The following APOBEC3C variants were observed in gnomAD, a reference collection of about 807,000 sequenced individuals.
The protein encoded by APOBEC3C is DNA dC->dU-editing enzyme APOBEC-3C.
In APOBEC3C, 14 loss-of-function variants were observed where a neutral mutation model predicts 20.6. That is an observed-to-expected ratio of 0.68 (90% CI 0.45 to 1.06). APOBEC3C has a LOEUF of 1.06. Ranked by LOEUF, APOBEC3C falls within the 50% of genes least tolerant of loss-of-function variation. The pLI, the probability that APOBEC3C is intolerant of heterozygous loss-of-function variation, is 0.00. For synonymous variants in APOBEC3C, 98 were observed against 88.8 expected (o/e 1.10, Z -0.58); for missense variants, 244 against 241.9 (o/e 1.01, Z -0.06).
rs1366550956 is a variant in APOBEC3C, at chr22:39,019,369, T to C, written c.*982T>C. 2 of 152,190 alleles carry C rather than the reference T, an allele frequency of 1.3e-5. No homozygotes were observed. The highest frequency in any genetic ancestry group is 2.9e-5 in the Non-Finnish European group (2 of 68,044). The allele number at this position is 152,190 out of a possible 1,614,324, so 9.4% of individuals were successfully genotyped here. A position where few individuals can be genotyped will look rare whatever the true frequency, so the allele number is the denominator to read the frequency against. On this transcript the variant is annotated 3_prime_UTR_variant, in exon 4 of 4. Transcript: ENST00000361441. ...GGGCTTTACATAGGGCAAGAGAACA[T>C]TTCTCCTTCTATAATTGCCATCTCT...
rs376045606 is a variant in APOBEC3C, at chr22:39,019,077, A to G, written c.*690A>G. The G allele has an allele frequency of 2.6e-5, 4 of 152,208 alleles. No homozygotes were observed. In the East Asian group the frequency reaches 7.7e-4, roughly 29 times the overall value. 9.4% of individuals were successfully genotyped at this position (152,208 alleles called of 1,614,324 possible). A position where few individuals can be genotyped will look rare whatever the true frequency, so the allele number is the denominator to read the frequency against. Reference sequence around the variant, plus strand: ...CGAAGTTTTGAGAAACATCCTTTGTAAATTTCATCCTATGAATTGGGTCAT... The same window carrying G: ...CGAAGTTTTGAGAAACATCCTTTGTGAATTTCATCCTATGAATTGGGTCAT... On this transcript the variant is annotated 3_prime_UTR_variant, in exon 4 of 4. Coordinates refer to ENST00000361441, the MANE Select transcript of APOBEC3C (RefSeq NM_014508.3).
rs1426288238 is a variant in APOBEC3C, at chr22:39,016,300, C to T, written c.174+549C>T. 4.0e-5 allele frequency among the ~76,000 whole-genome samples: 6 copies of T among 149,892 alleles called. No individual in the cohort carries two copies. In the East Asian group the frequency reaches 9.8e-4, roughly 25 times the overall value. ...CTGCAAGCTCCGCCTCCCGGGTTCA[C>T]GCCATTCTCCTGCCTCAGCCTCCCA... On this transcript the variant is annotated intron_variant, in intron 2 of 3. Transcript: ENST00000361441.
Position 39,017,777 on chromosome 22 carries a change from G to A in APOBEC3C, c.186G>A (p.Glu62=). The change falls in exon 3 of 4, where the codon GAG becomes GAA. Residue 62 remains glutamate (E), a synonymous_variant. Coordinates refer to ENST00000361441, the MANE Select transcript of APOBEC3C (RefSeq NM_014508.3). ...TCCTCCTTCGCCAGGTGGATTCTGA[G>A]ACCCATTGTCATGCAGAAAGGTGCT... ...TGVFRNQVDS[E]THCHAERCFL... 6.2e-7 allele frequency: 1 copy of A among 1,613,024 alleles called. No individual in the cohort carries two copies.
Position 39,014,285 on chromosome 22 carries a change from G to C in APOBEC3C, c.-78G>C, listed in dbSNP as rs533068876. On this transcript the variant is annotated 5_prime_UTR_variant, in exon 1 of 4. Coordinates refer to ENST00000361441, the MANE Select transcript of APOBEC3C (RefSeq NM_014508.3). ...TTAAAGAGGGCTGCTCAACTGCAAG[G>C]ACGCTGTAAGCAGGAAGAGAAGCCA... 6.3e-7 allele frequency: 1 copy of C among 1,581,322 alleles called. No individual in the cohort carries two copies. The highest frequency in any genetic ancestry group is 2.2e-5 in the East Asian group (1 of 44,628).
At chr22:39,015,548 T>C in intron 1 of APOBEC3C, 47 bp from the exon 2 acceptor site, 1 of 1,595,350 alleles carries the variant, frequency 6.3e-7, no homozygotes, top group Non-Finnish European at 8.5e-7. Context: ...CCCTGAGGAC[T>C]CCGGTGCGGG....
chr22:39,014,406 G>C (rs6001380), intron 1 of APOBEC3C, 27 bp downstream of exon 1: 2 of 1,613,152 alleles, frequency 1.2e-6, no homozygotes, highest in South Asian at 2.2e-5. Flanking sequence ...TGTCCGCCAG[G>C]CCCCTCCTGC....
Position 39,017,843 on chromosome 22 carries a change from A to T in APOBEC3C, c.252A>T (p.Thr84=), listed in dbSNP as rs1421985621. ...WFCDDILSPN[T]KYQVTWYTSW... ...GCGACGACATACTGTCTCCTAACAC[A>T]AAGTACCAGGTCACCTGGTACACAT... is the stretch of plus-strand genomic sequence containing the variant. Residue 84 remains threonine, a synonymous_variant, in exon 3 of 4, where the codon ACA becomes ACT. Transcript: ENST00000361441. 1 of 1,614,092 alleles carries T rather than the reference A, an allele frequency of 6.2e-7. No individual in the cohort carries two copies. The highest frequency in any genetic ancestry group is 8.5e-7 in the Non-Finnish European group (1 of 1,179,980).
At position 39,014,272 on chromosome 22, in the gene APOBEC3C, GC is replaced by G; in HGVS notation, c.-90del. ...CTGGGAGGTCACTTTAAAGAGGGCT[GC>G]TCAACTGCAAGGACGCTGTAAGCAG... is the stretch of plus-strand genomic sequence containing the variant. On this transcript the variant is annotated 5_prime_UTR_variant, in exon 1 of 4. Transcript: ENST00000361441. The G allele has an allele frequency of 6.5e-7, 1 of 1,545,150 alleles. No individual in the cohort carries two copies. The highest frequency in any genetic ancestry group is 8.9e-7 in the Non-Finnish European group (1 of 1,118,456).
In APOBEC3C at chr22:39,017,831, G is replaced by C. The variant is rs1245846055; in HGVS notation, c.240G>C (p.Leu80=). 1.9e-6 allele frequency: 3 copies of C among 1,614,090 alleles called. No individual in the cohort carries two copies. Among genetic ancestry groups the C allele is most frequent in the Admixed American group, 1.7e-5 (1 of 60,010 alleles). Residue 80 remains leucine (L), a synonymous_variant, in exon 3 of 4, where the codon CTG becomes CTC. Transcript: ENST00000361441. ...CFLSWFCDDI[L]SPNTKYQVTW... is the part of the protein sequence containing the mutation. ...TCTCTTGGTTCTGCGACGACATACTGTCTCCTAACACAAAGTACCAGGTCA... is the reference window on the plus strand; with the variant it reads ...TCTCTTGGTTCTGCGACGACATACTCTCTCCTAACACAAAGTACCAGGTCA...
At chr22:39,017,633 C>T in intron 2 of APOBEC3C, 133 bp from the exon 3 acceptor site, 1 of 1,195,838 alleles carries the variant, frequency 8.4e-7, no homozygotes, top group South Asian at 1.4e-5. Context: ...CAGAGAGAGA[C>T]CCTGTCTCAA....
At position 39,017,506 on chromosome 22, in the gene APOBEC3C, C is replaced by T. The variant is rs8139202; in HGVS notation, c.175-260C>T. ...TATTTAAAAAATTAGGCAGGTGTGG[C>T]GGCATGCACCTGCATCCCAGCTTAT... On this transcript the variant is annotated intron_variant, in intron 2 of 3. Coordinates refer to ENST00000361441, the MANE Select transcript of APOBEC3C (RefSeq NM_014508.3). 2.1e-3 allele frequency among the ~76,000 whole-genome samples: 313 copies of T among 151,834 alleles called. 2 individuals are homozygous for T. Among genetic ancestry groups the T allele is most frequent in the African/African-American group, 7.1e-3 (293 of 41,366 alleles).
Position 39,014,264 on chromosome 22 carries a change from A to G in APOBEC3C, c.-99A>G. ...ACAAGGCCCTGGGAGGTCACTTTAA[A>G]GAGGGCTGCTCAACTGCAAGGACGC... On this transcript the variant is annotated 5_prime_UTR_variant, in exon 1 of 4. Transcript: ENST00000361441. 6.6e-7 allele frequency: 1 copy of G among 1,508,986 alleles called. No homozygotes were observed. The highest frequency in any genetic ancestry group is 9.2e-7 in the Non-Finnish European group (1 of 1,086,230). 93.5% of individuals were successfully genotyped at this position (1,508,986 alleles called of 1,614,324 possible).
At chr22:39,014,907 C>A (rs1029761131) in intron 1 of APOBEC3C, among the ~76,000 whole-genome samples, 1 of 152,136 alleles carries the variant, frequency 6.6e-6, no homozygotes, top group Non-Finnish European at 1.5e-5. Flanking sequence ...ATGCACACGA[C>A]CCCAGACACA....
intron 3 of APOBEC3C, 22 bp downstream of exon 3, chr22:39,018,067 A>T (rs368474591): frequency 6.2e-7 from 1 of 1,612,278 alleles, no homozygotes; most frequent in Admixed American, 1.7e-5. Flanking sequence ...GGGGCTGAGG[A>T]GAGTGGGTGC....
At chr22:39,016,628 C>T (rs1423757591) in intron 2 of APOBEC3C, among the ~76,000 whole-genome samples, 1 of 152,154 alleles carries the variant, frequency 6.6e-6, no homozygotes, top group African/African-American at 2.4e-5. Context: ...GCCCAGCACC[C>T]TCACTCTTGA....
rs775452523 is a variant in APOBEC3C at position 39,018,031 on chromosome 22, T to A, written c.440T>A (p.Ile147Asn). The A allele has an allele frequency of 3.2e-5, 52 of 1,613,902 alleles. No individual in the cohort carries two copies. Among genetic ancestry groups the A allele is most frequent in the Non-Finnish European group, 3.9e-5 (46 of 1,179,988 alleles). ...AGTCAGGAAGGGGTCGCTGTGGAGA[T>A]CATGGACTATGAAGGTGAGACGTGG... ...SLSQEGVAVE[I>N]MDYEDFKYCW... Residue 147 changes from isoleucine to asparagine, a missense_variant, in exon 3 of 4, where the codon ATC (isoleucine) becomes AAC (asparagine). Ile to Asn is a moderately radical substitution (Grantham distance 149). Coordinates refer to ENST00000361441, the MANE Select transcript of APOBEC3C (RefSeq NM_014508.3).
rs991722615 is a variant in APOBEC3C at position 39,017,906 on chromosome 22, C to T, written c.315C>T (p.Ala105=). 6.8e-6 allele frequency: 11 copies of T among 1,614,046 alleles called. No individual in the cohort carries two copies. The highest frequency in any genetic ancestry group is 4.0e-5 in the African/African-American group (3 of 74,906). ...GCCCAGACTGTGCAGGGGAGGTGGCCGAGTTCCTGGCCAGGCACAGCAACG... is the reference window on the plus strand; with the variant it reads ...GCCCAGACTGTGCAGGGGAGGTGGCTGAGTTCCTGGCCAGGCACAGCAACG... The part of the protein sequence containing the change: ...SPCPDCAGEV[A]EFLARHSNVN... Residue 105 remains alanine, a synonymous_variant, in exon 3 of 4, where the codon GCC becomes GCT. Transcript: ENST00000361441.
intron 3 of APOBEC3C, 75 bp downstream of exon 3, chr22:39,018,120 G>A: frequency 6.3e-7 from 1 of 1,585,114 alleles, no homozygotes; most frequent in Non-Finnish European, 8.6e-7. Context: ...CAATGCTGTG[G>A]GGCGGGTCAG....
At chr22:39,016,398 T>TC (rs1483565811) in intron 2 of APOBEC3C, among the ~76,000 whole-genome samples, 2 of 147,810 alleles carry the variant, frequency 1.4e-5, no homozygotes, top group Non-Finnish European at 3.0e-5. Flanking sequence ...TTTTTTTTTT[T>TC]AGTAGAGACG....
Sources: gnomAD v4.1 joint callset for allele counts (sites outside exome capture counted in the v4.1 genomes callset) on GRCh38, gnomAD v4.1.1 for gene constraint, MANE v1.5 for transcripts, NCBI Gene and HGNC (gene_info 2026-07-23, HGNC 2026-07-21) for gene names.